Variants in RGS22 observed in about 807,000 individuals in gnomAD.
RGS22 encodes regulator of G-protein signaling 22.
A neutral mutation model predicts 172.9 loss-of-function variants in RGS22; 148 were observed. That is an observed-to-expected ratio of 0.86 (90% CI 0.75 to 0.98). The LOEUF is 0.98. Among genes scored for constraint, RGS22 ranks in the 50% least tolerant of loss-of-function variants. The pLI, the probability that RGS22 is intolerant of heterozygous loss-of-function variation, is 0.00. For missense variants in RGS22, 1,347 were observed against 1,440.8 expected, an observed-to-expected ratio of 0.93 and a Z score of 1.05; for synonymous variants, 458 against 480.2, an observed-to-expected ratio of 0.95 and a Z score of 0.60.
At chr8:99,993,577 T>A (rs1187157138) in intron 20 of RGS22, among the ~76,000 whole-genome samples, 2 of 152,118 alleles carry the variant, frequency 1.3e-5, no homozygotes, top group African/African-American at 2.4e-5. Flanking sequence ...AGAAGTTGAA[T>A]CTCTGAATAG....
chr8:100,021,831 C>CTGTG (rs769169256), intron 14 of RGS22, among the ~76,000 whole-genome samples: 9 of 151,020 alleles, frequency 6.0e-5, no homozygotes, highest in Non-Finnish European at 8.8e-5. Context: ...AATATAAATG[C>CTGTG]TGTGATACAG....
chr8:99,975,306 G>T (rs1279494176), intron 23 of RGS22, among the ~76,000 whole-genome samples: 42 of 152,090 alleles, frequency 2.8e-4, no homozygotes, highest in Non-Finnish European at 4.4e-5. Flanking sequence ...TGTTTGCAGT[G>T]GTGACAGAAT....
Position 100,036,881 on chromosome 8 carries a change from G to C in RGS22, c.2166+2050C>G, listed in dbSNP as rs184265534. On this transcript the variant is annotated intron_variant, in intron 14 of 27. Transcript: ENST00000360863. ...GCCAAAGTACTGGGATTACAGGCAT[G>C]AGCTAACACGCCTGGCCCATAGCAA... Among the ~76,000 whole-genome samples the C allele has an allele frequency of 1.5e-3, 233 of 152,270 alleles. 5 individuals are homozygous for C. Among genetic ancestry groups the C allele is most frequent in the Non-Finnish European group, 4.6e-4 (31 of 68,028 alleles).
chr8:100,036,545 C>T (rs1819495484), intron 14 of RGS22, among the ~76,000 whole-genome samples: 1 of 152,156 alleles, frequency 6.6e-6, no homozygotes, highest in African/African-American at 2.4e-5. Context: ...TCTCAGTCTC[C>T]TAGCACACGA....
At chr8:100,069,846 G>A (rs914154667) in intron 6 of RGS22, among the ~76,000 whole-genome samples, 2 of 151,854 alleles carry the variant, frequency 1.3e-5, no homozygotes, top group Non-Finnish European at 2.9e-5. Flanking sequence ...TGACCAACAT[G>A]GTGAAACCCC....
chr8:99,991,812 T>A (rs1421237428), intron 20 of RGS22, among the ~76,000 whole-genome samples: 1 of 151,962 alleles, frequency 6.6e-6, no homozygotes, highest in Admixed American at 6.6e-5. Context: ...AAGATATAAT[T>A]GTCAGATTCA....
intron 3 of RGS22, among the ~76,000 whole-genome samples, chr8:100,084,496 T>C (rs1369379279): frequency 6.6e-6 from 1 of 152,262 alleles, no homozygotes; most frequent in Admixed American, 6.5e-5. Context: ...GCAATGTTTC[T>C]ATTTATTATA....
chr8:100,025,003 T>TATAAATAA (rs71572051), intron 14 of RGS22, among the ~76,000 whole-genome samples: 6,307 of 147,272 alleles, frequency 0.043, 199 homozygotes, highest in African/African-American at 0.072. Flanking sequence ...AAAGAGGATC[T>TATAAATAA]ATAAATAAAT....
intron 18 of RGS22, among the ~76,000 whole-genome samples, chr8:100,001,784 G>T (rs887150477): frequency 2.0e-5 from 3 of 152,142 alleles, no homozygotes; most frequent in Admixed American, 6.6e-5. Context: ...GTTCAGAGAA[G>T]AACAGAAAAG....
chr8:99,991,874 G>A (rs1043845442), intron 20 of RGS22, among the ~76,000 whole-genome samples: 1 of 152,106 alleles, frequency 6.6e-6, no homozygotes, highest in Non-Finnish European at 1.5e-5. Context: ...GAGAAATGTC[G>A]AGTTACCCAC....
intron 6 of RGS22, among the ~76,000 whole-genome samples, chr8:100,066,918 C>G (rs926322532): frequency 1.3e-5 from 2 of 152,288 alleles, no homozygotes; most frequent in African/African-American, 4.8e-5. Flanking sequence ...CTATGTACCC[C>G]TGAACTAGCC....
chr8:99,978,231 C>T (rs1209792606), intron 22 of RGS22, among the ~76,000 whole-genome samples, 156 bp from the exon 23 acceptor site: 1 of 152,086 alleles, frequency 6.6e-6, no homozygotes, highest in Non-Finnish European at 1.5e-5. Context: ...TTGCTCAGCA[C>T]ATGCTTATCA....
At chr8:100,060,072 G>A (rs190703548) in intron 9 of RGS22, among the ~76,000 whole-genome samples, 2 of 152,076 alleles carry the variant, frequency 1.3e-5, no homozygotes, top group South Asian at 2.1e-4. Flanking sequence ...AAAGTCTACT[G>A]TAGATAAGTG....
intron 22 of RGS22, 40 bp from the exon 23 acceptor site, chr8:99,978,115 G>C: frequency 8.1e-7 from 1 of 1,235,494 alleles, no homozygotes; most frequent in Non-Finnish European, 1.1e-6. Context: ...TTTATACAAA[G>C]GTACCAATTT....
In RGS22 at chr8:100,051,391, ATT is replaced by A. The variant is rs550369873; in HGVS notation, c.1689+1409_1689+1410del. 2.7e-3 allele frequency among the ~76,000 whole-genome samples: 356 copies of A among 131,952 alleles called. 1 individual carries two copies. The highest frequency in any genetic ancestry group is 9.4e-3 in the African/African-American group (332 of 35,278). The allele number at this position is 131,952 out of a possible 152,430, so 86.6% of individuals were successfully genotyped here. On this transcript the variant is annotated intron_variant, in intron 10 of 27. Coordinates refer to ENST00000360863, the MANE Select transcript of RGS22 (RefSeq NM_015668.5). Reference sequence around the variant, plus strand: ...AGATGAGTGACATGATTTTATATATATTTTTATATATATATTTATTATATATA... The same window carrying A: ...AGATGAGTGACATGATTTTATATATATTTATATATATATTTATTATATATA...
At chr8:100,074,748 TGTTTTTTTTTTGTTTTTTGTTTTTTGTG>T (rs1250320489) in intron 4 of RGS22, among the ~76,000 whole-genome samples, 7 of 150,086 alleles carry the variant, frequency 4.7e-5, no homozygotes, top group Non-Finnish European at 8.9e-5. Context: ...GTTTCTTTTT[TGTTTTTTTTTTGTTTTTTGTTTTTTGTG>T]GTTTTTTTTG....
At chr8:100,016,708 C>T (rs1418007637) in intron 14 of RGS22, among the ~76,000 whole-genome samples, 3 of 152,010 alleles carry the variant, frequency 2.0e-5, no homozygotes, top group East Asian at 1.9e-4. Context: ...ACCCGGGAGG[C>T]GGAGCTTGCA....
intron 14 of RGS22, among the ~76,000 whole-genome samples, chr8:100,011,662 G>A (rs1423675935): frequency 6.6e-6 from 1 of 152,174 alleles, no homozygotes; most frequent in African/African-American, 2.4e-5. Flanking sequence ...CTGAGAGCAG[G>A]AATGGACTAG....
intron 23 of RGS22, among the ~76,000 whole-genome samples, chr8:99,968,373 A>G (rs1810981292): frequency 6.6e-6 from 1 of 152,160 alleles, no homozygotes; most frequent in Non-Finnish European, 1.5e-5. Context: ...AAACGGGATG[A>G]AGAATGAGTT....
Sources: gnomAD v4.1 joint callset for allele counts (sites outside exome capture counted in the v4.1 genomes callset) on GRCh38, gnomAD v4.1.1 for gene constraint, MANE v1.5 for transcripts, NCBI Gene and HGNC (gene_info 2026-07-23, HGNC 2026-07-21) for gene names.